DCLK2: variants seen among roughly 807,000 people sequenced by gnomAD.
The protein encoded by DCLK2 is doublecortin like kinase 2.
Under a neutral mutation model 78.4 loss-of-function variants are expected in DCLK2, and 31 were observed. The observed-to-expected ratio is 0.40, with a 90% CI of 0.30 to 0.53. The LOEUF (loss-of-function observed/expected upper bound fraction) is 0.53, where lower values mean the gene tolerates loss of function less well. Among genes scored for constraint, DCLK2 ranks in the 20% least tolerant of loss-of-function variants. DCLK2 has a pLI of 0.61. For missense variants in DCLK2, 872 were observed against 973.7 expected, an observed-to-expected ratio of 0.90 and a Z score of 1.39; for synonymous variants, 407 against 374.9, an observed-to-expected ratio of 1.09 and a Z score of -0.99.
chr4:150,115,327 T>C (rs1731998719), intron 2 of DCLK2, among the ~76,000 whole-genome samples: 1 of 152,146 alleles, frequency 6.6e-6, no homozygotes, highest in Admixed American at 6.5e-5. Context: ...TGTATCTCCT[T>C]GTGTAGCTAA....
At chr4:150,184,790 A>G (rs1474041959) in intron 2 of DCLK2, among the ~76,000 whole-genome samples, 4 of 151,672 alleles carry the variant, frequency 2.6e-5, no homozygotes, top group Non-Finnish European at 5.9e-5. Flanking sequence ...TTTAGTAGAG[A>G]CGGGGTTTCA....
chr4:150,116,876 A>G (rs1234264432), intron 2 of DCLK2, among the ~76,000 whole-genome samples: 1 of 151,992 alleles, frequency 6.6e-6, no homozygotes, highest in Non-Finnish European at 1.5e-5. Flanking sequence ...GCTGTAATGT[A>G]TTGGCTATGT....
At chr4:150,105,847 G>C (rs1211856306) in intron 2 of DCLK2, among the ~76,000 whole-genome samples, 1 of 152,044 alleles carries the variant, frequency 6.6e-6, no homozygotes, top group African/African-American at 2.4e-5. Flanking sequence ...TCTTTGTACA[G>C]TTAAAGAAAA....
At chr4:150,100,571 C>T (rs1305913158) in intron 1 of DCLK2, among the ~76,000 whole-genome samples, 2 of 152,052 alleles carry the variant, frequency 1.3e-5, no homozygotes, top group Non-Finnish European at 2.9e-5. Context: ...ATTCTTTTTT[C>T]TCTTCCATCT....
chr4:150,219,388 G>C (rs1303176802), intron 5 of DCLK2, among the ~76,000 whole-genome samples: 1 of 150,614 alleles, frequency 6.6e-6, no homozygotes, highest in African/African-American at 2.4e-5. Context: ...ATGCCTCCCA[G>C]GTAGCTGGGA....
At chr4:150,091,220 G>T (rs571049197) in intron 1 of DCLK2, among the ~76,000 whole-genome samples, 1 of 152,194 alleles carries the variant, frequency 6.6e-6, no homozygotes, top group African/African-American at 2.4e-5. Context: ...CAAACGCTGC[G>T]CTTGATGAAG....
rs201661002 is a variant in DCLK2 at position 150,245,217 on chromosome 4, C to T, written c.1779-2386C>T. On this transcript the variant is annotated intron_variant, in intron 12 of 15. Coordinates refer to ENST00000296550, the MANE Select transcript of DCLK2 (RefSeq NM_001040260.4). ...GAAAACATTTTGACACTAAGAAACG[C>T]GTGTGCATTCACAGGAAATCACTCT... Among the ~76,000 whole-genome samples, 9 of 152,148 alleles carry T rather than the reference C, an allele frequency of 5.9e-5. No individual in the cohort carries two copies. In the East Asian group the frequency reaches 1.2e-3, roughly 20 times the overall value.
At chr4:150,163,607 C>T (rs1735862432) in intron 2 of DCLK2, among the ~76,000 whole-genome samples, 1 of 152,130 alleles carries the variant, frequency 6.6e-6, no homozygotes, top group Non-Finnish European at 1.5e-5. Flanking sequence ...AATTATAGAG[C>T]TCAGTTGTCT....
chr4:150,224,644 C>A, intron 8 of DCLK2, 86 bp downstream of exon 8: 1 of 1,076,610 alleles, frequency 9.3e-7, no homozygotes, highest in Non-Finnish European at 1.4e-6. Flanking sequence ...TAAGTGGGGA[C>A]TTGACACAAC....
At chr4:150,218,571 C>T (rs1479867375) in intron 5 of DCLK2, among the ~76,000 whole-genome samples, 1 of 152,148 alleles carries the variant, frequency 6.6e-6, no homozygotes, top group East Asian at 1.9e-4. Context: ...TCATGGAGAG[C>T]AGGGACCCAG....
At chr4:150,201,624 A>C (rs540212880) in intron 4 of DCLK2, among the ~76,000 whole-genome samples, 2 of 152,112 alleles carry the variant, frequency 1.3e-5, no homozygotes, top group Non-Finnish European at 2.9e-5. Context: ...AAGGAGACTG[A>C]TCTACTGCAG....
Position 150,257,316 on chromosome 4 carries a change from C to A in DCLK2, c.*1069C>A, listed in dbSNP as rs1000705393. 1.8e-4 allele frequency: 28 copies of A among 152,678 alleles called. No individual in the cohort carries two copies. Among genetic ancestry groups the A allele is most frequent in the Non-Finnish European group, 1.8e-4 (12 of 68,076 alleles). The allele number at this position is 152,678 out of a possible 1,614,324, so 9.5% of individuals were successfully genotyped here. ...GCTCTTTTTAATAATTGTACATAAT[C>A]CGTGTATTTGTTTTACCTGCTCATC... On this transcript the variant is annotated 3_prime_UTR_variant, in exon 16 of 16. Coordinates refer to ENST00000296550, the MANE Select transcript of DCLK2 (RefSeq NM_001040260.4).
intron 12 of DCLK2, among the ~76,000 whole-genome samples, chr4:150,243,203 G>C (rs1364272328): frequency 4.6e-5 from 7 of 152,140 alleles, no homozygotes; most frequent in Non-Finnish European, 8.8e-5. Context: ...TTTTTTGTGG[G>C]GTCTAGAGAT....
At chr4:150,231,149 T>C (rs1475769177) in intron 8 of DCLK2, among the ~76,000 whole-genome samples, 5 of 152,288 alleles carry the variant, frequency 3.3e-5, no homozygotes, top group Non-Finnish European at 7.3e-5. Flanking sequence ...GGCTTGGATG[T>C]CAGAAACCTA....
intron 2 of DCLK2, among the ~76,000 whole-genome samples, chr4:150,142,843 T>C (rs948501852): frequency 2.0e-5 from 3 of 150,860 alleles, no homozygotes; most frequent in Middle Eastern, 3.4e-3. Context: ...AGGAGGAACA[T>C]GCACATGTTT....
intron 6 of DCLK2, among the ~76,000 whole-genome samples, chr4:150,221,317 G>GTTTTTTTTTTTTTTTTTTTT (rs764898623): frequency 7.4e-6 from 1 of 135,256 alleles, no homozygotes; most frequent in African/African-American, 2.7e-5. Context: ...TCCTTTCTTT[G>GTTTTTTTTTTTTTTTTTTTT]TTTTTTTTTT....
intron 2 of DCLK2, among the ~76,000 whole-genome samples, chr4:150,120,972 G>A (rs1732490926): frequency 6.6e-6 from 1 of 152,168 alleles, no homozygotes; most frequent in African/African-American, 2.4e-5. Context: ...TTGGGAGGCT[G>A]AGGCACAAGA....
chr4:150,149,289 T>C (rs1369572223), intron 2 of DCLK2, among the ~76,000 whole-genome samples: 1 of 152,150 alleles, frequency 6.6e-6, no homozygotes, highest in Non-Finnish European at 1.5e-5. Flanking sequence ...ATTGAAAAAC[T>C]TCATTTTTAT....
chr4:150,190,213 A>AGATAGATG (rs70937322), intron 2 of DCLK2, among the ~76,000 whole-genome samples: 50,375 of 132,612 alleles, frequency 0.38, 11,782 homozygotes, highest in Non-Finnish European at 0.51. Context: ...AGATATAGAT[A>AGATAGATG]GATAGATGGA....
Sources: allele counts gnomAD v4.1 joint callset (sites outside exome capture counted in the v4.1 genomes callset), GRCh38; gene constraint gnomAD v4.1.1; transcripts MANE v1.5; gene names NCBI Gene and HGNC (gene_info 2026-07-23, HGNC 2026-07-21).